Variants in HLA-DOB observed in about 807,000 individuals in gnomAD.
HLA-DOB encodes major histocompatibility complex, class II, DO beta.
In HLA-DOB, 25 loss-of-function variants were observed where a neutral mutation model predicts 27.7. The ratio of observed to expected loss-of-function variants is 0.90; its 90% CI spans 0.66 to 1.26. HLA-DOB has a LOEUF of 1.26. Among genes scored for constraint, HLA-DOB ranks in the 50% most tolerant of loss-of-function variants. HLA-DOB has a pLI of 0.00. For synonymous variants in HLA-DOB, 137 were observed against 125.6 expected (o/e 1.09, Z -0.61); for missense variants, 306 against 324.9 (o/e 0.94, Z 0.45).
intron 2 of HLA-DOB, 97 bp downstream of exon 2, chr6:32,814,947 T>A (rs1767954411): frequency 7.3e-7 from 1 of 1,376,742 alleles, no homozygotes; most frequent in Non-Finnish European, 1.0e-6. Context: ...CAACCATTTA[T>A]CCTAAAGCAG....
chr6:32,815,237 G>T lies in HLA-DOB; in HGVS notation c.168C>A (p.Phe56Leu). ...GTEKVQFVVR[F>L]IFNLEEYVRF... ...GTACATACTCCTCCAAGTTAAAGATGAATCTGACCACAAACTGCACCTTTT... is the reference window on the plus strand; with the variant it reads ...GTACATACTCCTCCAAGTTAAAGATTAATCTGACCACAAACTGCACCTTTT... Residue 56 changes from phenylalanine to leucine, a missense_variant, in exon 2 of 6, where the codon TTC (phenylalanine) becomes TTA (leucine). Transcript: ENST00000438763. The T allele has an allele frequency of 2.5e-6, 4 of 1,614,202 alleles. No individual in the cohort carries two copies. The highest frequency in any genetic ancestry group is 3.4e-6 in the Non-Finnish European group (4 of 1,180,028).
In HLA-DOB at chr6:32,814,534, G is replaced by A. The variant is rs1178738637; in HGVS notation, c.429C>T (p.Cys143=). 1.9e-6 allele frequency: 3 copies of A among 1,612,908 alleles called. No homozygotes were observed. Among genetic ancestry groups the A allele is most frequent in the Non-Finnish European group, 8.5e-7 (1 of 1,179,868 alleles). The change falls in exon 3 of 6, where the codon TGC becomes TGT. Residue 143 remains cysteine, a synonymous_variant. Coordinates refer to ENST00000438763, the MANE Select transcript of HLA-DOB (RefSeq NM_002120.4). ...CCCCTGGATAGAAGCCTGTCACAGA[G>A]CAGTGCAGCAGATTATGCTGGTGCA... ...PLLHQHNLLH[C]SVTGFYPGDI...
In HLA-DOB at chr6:32,815,115, C is replaced by T; in HGVS notation, c.290G>A (p.Ser97Asn). Residue 97 changes from serine to asparagine, a missense_variant, in exon 2 of 6, where the codon AGC (serine) becomes AAC (asparagine). By Grantham distance (46) the Ser-to-Asn change is conservative (BLOSUM62 1). Coordinates refer to ENST00000438763, the MANE Select transcript of HLA-DOB (RefSeq NM_002120.4). ...ACAGACCCCATCCACGGCCTGTCTG[C>T]TCCTCTCCAAGAGATCCAGCCGGCT... is the stretch of plus-strand genomic sequence containing the variant. The part of the protein sequence containing the change: ...WNSRLDLLER[S>N]RQAVDGVCRH... 1 of 1,614,216 alleles carries T rather than the reference C, an allele frequency of 6.2e-7. No individual in the cohort carries two copies. Among genetic ancestry groups the T allele is most frequent in the Non-Finnish European group, 8.5e-7 (1 of 1,180,036 alleles).
At position 32,815,043 on chromosome 6, in the gene HLA-DOB, C is replaced by A; in HGVS notation, c.361+1G>T. The A allele has an allele frequency of 6.2e-7, 1 of 1,613,586 alleles. No individual in the cohort carries two copies. Among genetic ancestry groups the A allele is most frequent in the Non-Finnish European group, 8.5e-7 (1 of 1,179,520 alleles). Reference sequence around the variant, plus strand: ...CCGCCAGACCTCAGCTTCCAGCTCACCTTTTCTCCCCACAGTGAAGGGTGC... The same window carrying A: ...CCGCCAGACCTCAGCTTCCAGCTCAACTTTTCTCCCCACAGTGAAGGGTGC... On this transcript the variant is annotated splice_donor_variant, in intron 2 of 5. Coordinates refer to ENST00000438763, the MANE Select transcript of HLA-DOB (RefSeq NM_002120.4). LOFTEE classifies it high-confidence loss of function.
In HLA-DOB at chr6:32,813,097, G is replaced by C. The variant is rs908108225; in HGVS notation, c.*119C>G. ...CCAGAATCAGTTCGGGCTCCTCCAAGGATCAGGGAAGAGAGTTATTCCCAG... is the reference window on the plus strand; with the variant it reads ...CCAGAATCAGTTCGGGCTCCTCCAACGATCAGGGAAGAGAGTTATTCCCAG... On this transcript the variant is annotated 3_prime_UTR_variant, in exon 6 of 6. Transcript: ENST00000438763. The C allele has an allele frequency of 2.1e-6, 2 of 948,944 alleles. No homozygotes were observed. Among genetic ancestry groups the C allele is most frequent in the Admixed American group, 1.7e-5 (1 of 57,832 alleles). 58.8% of individuals were successfully genotyped at this position (948,944 alleles called of 1,614,324 possible).
Position 32,813,851 on chromosome 6 carries a change from T to C in HLA-DOB, c.644-18A>G. The C allele has an allele frequency of 3.5e-6, 5 of 1,419,210 alleles. No homozygotes were observed. The highest frequency in any genetic ancestry group is 4.9e-6 in the Non-Finnish European group (5 of 1,026,406). The allele number at this position is 1,419,210 out of a possible 1,614,324, so 87.9% of individuals were successfully genotyped here. On this transcript the variant is annotated intron_variant, in intron 3 of 5. Transcript: ENST00000438763. ...CTGAGCTCCTATGGGAAACAGGTCTTTAAATTAGTAAAAATATCCCAATAT... is the reference window on the plus strand; with the variant it reads ...CTGAGCTCCTATGGGAAACAGGTCTCTAAATTAGTAAAAATATCCCAATAT...
intron 3 of HLA-DOB, 89 bp downstream of exon 3, chr6:32,814,231 C>T: frequency 1.6e-6 from 2 of 1,265,292 alleles, no homozygotes; most frequent in Admixed American, 2.0e-5. Context: ...CATGTTGTGA[C>T]CAAGATAAAC....
Position 32,816,845 on chromosome 6 carries a change from A to G in HLA-DOB, c.91+16T>C. 1 of 1,603,922 alleles carries G rather than the reference A, an allele frequency of 6.2e-7. No individual in the cohort carries two copies. The highest frequency in any genetic ancestry group is 8.5e-7 in the Non-Finnish European group (1 of 1,173,126). ...CTTGCATACACACTGGAAAAAAACAATTGCTCTGTTCTTACCTGGAGAGTC... is the reference window on the plus strand; with the variant it reads ...CTTGCATACACACTGGAAAAAAACAGTTGCTCTGTTCTTACCTGGAGAGTC... On this transcript the variant is annotated intron_variant, in intron 1 of 5. Transcript: ENST00000438763.
At position 32,815,042 on chromosome 6, in the gene HLA-DOB, A is replaced by G; in HGVS notation, c.361+2T>C. On this transcript the variant is annotated splice_donor_variant, in intron 2 of 5. Transcript: ENST00000438763. LOFTEE classifies it high-confidence loss of function. ...CCCGCCAGACCTCAGCTTCCAGCTC[A>G]CCTTTTCTCCCCACAGTGAAGGGTG... 2 of 1,613,158 alleles carry G rather than the reference A, an allele frequency of 1.2e-6. No individual in the cohort carries two copies. The highest frequency in any genetic ancestry group is 1.7e-6 in the Non-Finnish European group (2 of 1,179,224).
At chr6:32,813,542 A>G in intron 4 of HLA-DOB, 71 bp from the exon 5 acceptor site, 1 of 1,546,244 alleles carries the variant, frequency 6.5e-7, no homozygotes, top group Non-Finnish European at 8.9e-7. Flanking sequence ...AGGGAAGAAC[A>G]AATGGCTGGC....
chr6:32,813,643 C>T, intron 4 of HLA-DOB, 80 bp downstream of exon 4: 1 of 1,201,646 alleles, frequency 8.3e-7, no homozygotes, highest in Non-Finnish European at 1.2e-6. Context: ...CTTTCCTTGC[C>T]TCAGATCATT....
At chr6:32,815,673 C>G (rs17501287) in intron 1 of HLA-DOB, among the ~76,000 whole-genome samples, 6,099 of 152,220 alleles carry the variant, frequency 0.04, 149 homozygotes, top group East Asian at 0.058. Context: ...GTGCTGTGAA[C>G]TCATTGGGTA....
chr6:32,813,042 G>A lies in HLA-DOB; in HGVS notation c.*174C>T. The A allele has an allele frequency of 1.5e-6, 1 of 666,272 alleles. No homozygotes were observed. Among genetic ancestry groups the A allele is most frequent in the Non-Finnish European group, 2.7e-6 (1 of 370,104 alleles). 41.3% of individuals were successfully genotyped at this position (666,272 alleles called of 1,614,324 possible). ...GTAGAAGGGAGAAGGGCAGATGGGT[G>A]GGAGATGCATGATCTCAGAACACAG... On this transcript the variant is annotated 3_prime_UTR_variant, in exon 6 of 6. Coordinates refer to ENST00000438763, the MANE Select transcript of HLA-DOB (RefSeq NM_002120.4).
At chr6:32,814,177 A>G (rs17213728) in intron 3 of HLA-DOB, 143 bp downstream of exon 3, 26,133 of 765,540 alleles carry the variant, frequency 0.034, 775 homozygotes, top group African/African-American at 0.12. Flanking sequence ...TAACCCAAGG[A>G]CTCTGGTTTC....
At position 32,816,986 on chromosome 6, in the gene HLA-DOB, G is replaced by A. The variant is rs1467016110; in HGVS notation, c.-35C>T. 8 of 1,470,620 alleles carry A rather than the reference G, an allele frequency of 5.4e-6. No homozygotes were observed. Among genetic ancestry groups the A allele is most frequent in the East Asian group, 2.3e-5 (1 of 44,194 alleles). 91.1% of individuals were successfully genotyped at this position (1,470,620 alleles called of 1,614,324 possible). ...AGGAAAAAAATGAGATAGTAAAATCGTCAGCCTCTTCAGAATGAGCTCATA... is the reference window on the plus strand; with the variant it reads ...AGGAAAAAAATGAGATAGTAAAATCATCAGCCTCTTCAGAATGAGCTCATA... On this transcript the variant is annotated 5_prime_UTR_variant, in exon 1 of 6. It adds an upstream start codon to the 5' untranslated region. Transcript: ENST00000438763.
At position 32,812,887 on chromosome 6, in the gene HLA-DOB, G is replaced by A. The variant is rs1258052508; in HGVS notation, c.*329C>T. On this transcript the variant is annotated 3_prime_UTR_variant, in exon 6 of 6. Transcript: ENST00000438763. Reference sequence around the variant, plus strand: ...GGAGACTGCAGTTGGAAGACAGAAAGCTTTGGAGATCATGACTTATAGGAG... The same window carrying A: ...GGAGACTGCAGTTGGAAGACAGAAAACTTTGGAGATCATGACTTATAGGAG... 2.8e-6 allele frequency: 1 copy of A among 358,248 alleles called. No individual in the cohort carries two copies. Among genetic ancestry groups the A allele is most frequent in the African/African-American group, 2.0e-5 (1 of 48,812 alleles). The allele number at this position is 358,248 out of a possible 1,614,324, so 22.2% of individuals were successfully genotyped here.
Position 32,813,208 on chromosome 6 carries a change from T to C in HLA-DOB, c.*8A>G, listed in dbSNP as rs1223808556. 1 of 1,612,708 alleles carries C rather than the reference T, an allele frequency of 6.2e-7. No individual in the cohort carries two copies. Among genetic ancestry groups the C allele is most frequent in the South Asian group, 1.1e-5 (1 of 91,078 alleles). ...CAGGCTCCAGAGAGAGAAGCTTCAGTGAGGACCTTAGCATGACTGAGGGAG... is the reference window on the plus strand; with the variant it reads ...CAGGCTCCAGAGAGAGAAGCTTCAGCGAGGACCTTAGCATGACTGAGGGAG... On this transcript the variant is annotated 3_prime_UTR_variant, in exon 6 of 6. Transcript: ENST00000438763.
In HLA-DOB at chr6:32,816,862, T is replaced by C; in HGVS notation, c.90A>G (p.Pro30=). 6.2e-7 allele frequency: 1 copy of C among 1,612,014 alleles called. No homozygotes were observed. The highest frequency in any genetic ancestry group is 8.5e-7 in the Non-Finnish European group (1 of 1,179,178). ...AAAAAACAATTGCTCTGTTCTTACC[T>C]GGAGAGTCTGTGCCTTGAGTCATGG... ...DSSMTQGTDS[P]EDFVIQAKAD... The change falls in exon 1 of 6, where the codon CCA becomes CCG. Residue 30 remains proline, a splice_region_variant and synonymous_variant. Transcript: ENST00000438763.
At position 32,815,068 on chromosome 6, in the gene HLA-DOB, C is replaced by A. The variant is rs1380025155; in HGVS notation, c.337G>T (p.Ala113Ser). ...CCTTTTCTCCCCACAGTGAAGGGTG[C>A]GCCCAGCCTGTAGTTGTGTCTACAG... ...GVCRHNYRLG[A>S]PFTVGRKVQP... is the part of the protein sequence containing the mutation. Residue 113 changes from alanine (A) to serine (S), a missense_variant, in exon 2 of 6, where the codon GCA becomes TCA. Ala to Ser is a moderately conservative substitution (Grantham distance 99, BLOSUM62 1). Coordinates refer to ENST00000438763, the MANE Select transcript of HLA-DOB (RefSeq NM_002120.4). 4 of 1,614,126 alleles carry A rather than the reference C, an allele frequency of 2.5e-6. No homozygotes were observed. The South Asian group carries it at 4.4e-5, about 18-fold the overall frequency.
Sources: gnomAD v4.1 joint callset for allele counts (sites outside exome capture counted in the v4.1 genomes callset) on GRCh38, gnomAD v4.1.1 for gene constraint, MANE v1.5 for transcripts, NCBI Gene and HGNC (gene_info 2026-07-23, HGNC 2026-07-21) for gene names.